Variants in LVRN observed in about 807,000 individuals in gnomAD.
The protein encoded by LVRN is laeverin.
In LVRN, 99 loss-of-function variants were observed where a neutral mutation model predicts 111.4. The ratio of observed to expected loss-of-function variants is 0.89; its 90% CI spans 0.76 to 1.05. The LOEUF (loss-of-function observed/expected upper bound fraction) is 1.05. Among genes scored for constraint, LVRN ranks in the 50% least tolerant of loss-of-function variants. LVRN has a pLI of 0.00. For synonymous variants in LVRN, 488 were observed against 449.5 expected, an observed-to-expected ratio of 1.09 and a Z score of -1.08; for missense variants, 1,414 against 1,206.8, an observed-to-expected ratio of 1.17 and a Z score of -2.54.
At chr5:116,018,463 G>A (rs773438867) in intron 18 of LVRN, among the ~76,000 whole-genome samples, 9 of 152,016 alleles carry the variant, frequency 5.9e-5, no homozygotes, top group Admixed American at 1.3e-4. Flanking sequence ...ACCTGAGGTC[G>A]GGAGTTCGTG....
Position 116,009,867 on chromosome 5 carries a change from T to C in LVRN, c.2094-874T>C, listed in dbSNP as rs914018561. On this transcript the variant is annotated intron_variant, in intron 13 of 19. Coordinates refer to ENST00000357872, the MANE Select transcript of LVRN (RefSeq NM_173800.5). ...CCATTGCTGAAATGACAACAAAGGATTGAGAATATTACGTATACTTAGTTG... is the reference window on the plus strand; with the variant it reads ...CCATTGCTGAAATGACAACAAAGGACTGAGAATATTACGTATACTTAGTTG... 2.0e-5 allele frequency among the ~76,000 whole-genome samples: 3 copies of C among 152,220 alleles called. No homozygotes were observed. In the Middle Eastern group the frequency reaches 0.01, roughly 518 times the overall value.
In LVRN at chr5:116,014,429, G is replaced by A. The variant is rs771193747; in HGVS notation, c.2352G>A (p.Leu784=). 3.1e-6 allele frequency: 5 copies of A among 1,610,450 alleles called. No individual in the cohort carries two copies. In the East Asian group the frequency reaches 8.9e-5, roughly 29 times the overall value. The change falls in exon 16 of 20, where the codon CTG becomes CTA. Residue 784 remains leucine, a synonymous_variant. Coordinates refer to ENST00000357872, the MANE Select transcript of LVRN (RefSeq NM_173800.5). ...TGACTTTTTCTTCAAGAATATCACT[G>A]GAAAAACTTTTTGTAACTGCGTGTT... ...LQDDYLALIS[L]EKLFVTACWL... is the part of the protein sequence containing the mutation.
intron 10 of LVRN, among the ~76,000 whole-genome samples, chr5:116,002,484 G>T (rs1748256823): frequency 6.6e-6 from 1 of 152,222 alleles, no homozygotes. Flanking sequence ...GGCATGGACG[G>T]ATTTAGGTCT....
At chr5:115,992,526 G>A (rs1748019727) in intron 5 of LVRN, among the ~76,000 whole-genome samples, 1 of 152,158 alleles carries the variant, frequency 6.6e-6, no homozygotes. Context: ...TAACAATTAA[G>A]TTTGCTCCAC....
At chr5:116,015,812 G>A in intron 18 of LVRN, 47 bp downstream of exon 18, 1 of 1,599,090 alleles carries the variant, frequency 6.3e-7, no homozygotes, top group Non-Finnish European at 8.5e-7. Flanking sequence ...CACTGGTTTG[G>A]CACTGGAAGC....
chr5:116,001,444 C>T (rs1157909284), intron 10 of LVRN, among the ~76,000 whole-genome samples: 1 of 152,184 alleles, frequency 6.6e-6, no homozygotes, highest in East Asian at 1.9e-4. Context: ...AGTGCCCCTA[C>T]CCTGGGATTT....
chr5:115,979,510 G>T (rs1753518640), intron 1 of LVRN, among the ~76,000 whole-genome samples: 1 of 152,034 alleles, frequency 6.6e-6, no homozygotes, highest in African/African-American at 2.4e-5. Context: ...TTCTTCTGGG[G>T]CCCTCATGTA....
chr5:116,005,134 A>C (rs945876888), intron 12 of LVRN, among the ~76,000 whole-genome samples: 6 of 152,214 alleles, frequency 3.9e-5, no homozygotes, highest in African/African-American at 1.4e-4. Flanking sequence ...GATTAATATT[A>C]ATCTAGAAAA....
intron 1 of LVRN, among the ~76,000 whole-genome samples, chr5:115,971,241 C>G (rs1446907528): frequency 1.3e-5 from 2 of 151,618 alleles, no homozygotes; most frequent in African/African-American, 4.8e-5. Context: ...AGGATCTTTT[C>G]TCAAATACAT....
Position 116,000,656 on chromosome 5 carries a change from A to G in LVRN, c.1645A>G (p.Met549Val), listed in dbSNP as rs141665268. The change falls in exon 9 of 20, where the codon ATG becomes GTG. Residue 549 changes from methionine (M) to valine (V), a missense_variant and splice_region_variant. By Grantham distance (21) the Met-to-Val change is conservative. Coordinates refer to ENST00000357872, the MANE Select transcript of LVRN (RefSeq NM_173800.5). The part of the protein sequence containing the change: ...EQDDLWRHFQ[M>V]AIDDQSTVIL... ...AGATGATCTATGGAGGCATTTTCAA[A>G]TGGTAATTGTCCTACTTTCTGACAC... 64 of 1,613,480 alleles carry G rather than the reference A, an allele frequency of 4.0e-5. No individual in the cohort carries two copies. Among genetic ancestry groups the G allele is most frequent in the Non-Finnish European group, 5.1e-5 (60 of 1,179,684 alleles).
At chr5:116,001,714 T>G (rs912700000) in intron 10 of LVRN, among the ~76,000 whole-genome samples, 1 of 152,204 alleles carries the variant, frequency 6.6e-6, no homozygotes, top group Non-Finnish European at 1.5e-5. Context: ...CGTGCGTTTG[T>G]GTATTTGTAG....
At chr5:116,005,561 A>T (rs1470481604) in intron 12 of LVRN, among the ~76,000 whole-genome samples, 2 of 152,198 alleles carry the variant, frequency 1.3e-5, no homozygotes, top group East Asian at 3.8e-4. Flanking sequence ...CCCTGAAAAT[A>T]ATTTGGATGT....
intron 19 of LVRN, chr5:116,023,456 C>T (rs1425641926): frequency 3.3e-5 from 5 of 152,094 alleles, no homozygotes; most frequent in Non-Finnish European, 7.3e-5. Context: ...AGAGTTCCTG[C>T]CCCGAAAAAA....
At chr5:115,988,088 C>G in intron 4 of LVRN, 149 bp downstream of exon 4, 2 of 1,036,870 alleles carry the variant, frequency 1.9e-6, no homozygotes, top group South Asian at 3.3e-5. Flanking sequence ...ATGCCTTATA[C>G]CTTCTGAAAC....
At chr5:115,987,605 C>G (rs879180385) in intron 3 of LVRN, among the ~76,000 whole-genome samples, 1 of 152,144 alleles carries the variant, frequency 6.6e-6, no homozygotes, top group Admixed American at 6.6e-5. Context: ...ATTGAAATAA[C>G]ACACTTTCGG....
At position 115,984,683 on chromosome 5, in the gene LVRN, G is replaced by A. The variant is rs564955632; in HGVS notation, c.952G>A (p.Val318Ile). ...VAFVICDYDH[V>I]NRTERGKEIR... is the part of the protein sequence containing the mutation. ...ATTTGTTATATGTGACTATGACCAC[G>A]TCAACAGAACAGAAAGGGGCAAGGA... The change falls in exon 3 of 20, where the codon GTC becomes ATC. Residue 318 changes from valine (V) to isoleucine (I), a missense_variant. Transcript: ENST00000357872. 1.1e-4 allele frequency: 180 copies of A among 1,613,582 alleles called. No homozygotes were observed. The highest frequency in any genetic ancestry group is 8.3e-4 in the South Asian group (76 of 91,062).
Position 116,010,867 on chromosome 5 carries a change from C to G in LVRN, c.2220C>G (p.Asn740Lys). Residue 740 changes from asparagine (N) to lysine (K), a missense_variant, in exon 14 of 20, where the codon AAC (asparagine) becomes AAG (lysine). Transcript: ENST00000357872. ...LVTRDLVSEVNIYDIYSLLKR... is the reference protein window; with the variant it reads ...LVTRDLVSEVKIYDIYSLLKR... ...CCAGGGATCTTGTTTCTGAGGTGAACATCTATGATATATACTCATTATTAA... is the reference window on the plus strand; with the variant it reads ...CCAGGGATCTTGTTTCTGAGGTGAAGATCTATGATATATACTCATTATTAA... 6.2e-7 allele frequency: 1 copy of G among 1,607,872 alleles called. No homozygotes were observed. The highest frequency in any genetic ancestry group is 1.7e-4 in the Middle Eastern group (1 of 5,876).
rs187903683 is a variant in LVRN at position 116,018,471 on chromosome 5, G to A, written c.2756+2706G>A. Among the ~76,000 whole-genome samples the A allele has an allele frequency of 5.3e-5, 8 of 152,156 alleles. No individual in the cohort carries two copies. The East Asian group carries it at 5.8e-4, about 11-fold the overall frequency. On this transcript the variant is annotated intron_variant, in intron 18 of 19. Transcript: ENST00000357872. ...GCAGATCACCTGAGGTCGGGAGTTC[G>A]TGACCAGCCTGACCAACGTGGAGAA...
chr5:116,017,406 G>T (rs962511124), intron 18 of LVRN, among the ~76,000 whole-genome samples: 2 of 152,214 alleles, frequency 1.3e-5, no homozygotes, highest in African/African-American at 4.8e-5. Flanking sequence ...TTATGACAAT[G>T]TGTTAACACT....
Sources: allele counts gnomAD v4.1 joint callset (sites outside exome capture counted in the v4.1 genomes callset), GRCh38; gene constraint gnomAD v4.1.1; transcripts MANE v1.5; gene names NCBI Gene and HGNC (gene_info 2026-07-23, HGNC 2026-07-21).